NTM: variants seen among roughly 807,000 people sequenced by gnomAD.
NTM encodes the protein IgLON family member 2.
A neutral mutation model predicts 42.1 loss-of-function variants in NTM; 13 were observed. The observed-to-expected ratio is 0.31, with a 90% CI of 0.20 to 0.49. NTM has a LOEUF of 0.49. NTM is among the 20% of genes least tolerant of loss of function. The pLI is 0.99. For synonymous variants in NTM, 187 were observed against 179.2 expected (o/e 1.04, Z -0.35); for missense variants, 373 against 452.8 (o/e 0.82, Z 1.60).
At position 132,116,047 on chromosome 11, in the gene NTM, T is replaced by A. The variant is rs183034313; in HGVS notation, c.168-30235T>A. The stretch of plus-strand genomic sequence containing the variant: ...GCCTTCTCTGCGTCTCTCTGAGCAT[T>A]TCTCCTTTCTCCCAGTTCCCTGGAT... On this transcript the variant is annotated intron_variant, in intron 2 of 8. Coordinates refer to ENST00000683400, the MANE Select transcript of NTM (RefSeq NM_001352005.2). Among the ~76,000 whole-genome samples, 397 of 152,336 alleles carry A rather than the reference T, an allele frequency of 2.6e-3. 1 individual carries two copies. The highest frequency in any genetic ancestry group is 4.7e-3 in the Non-Finnish European group (322 of 68,026).
In NTM at chr11:131,620,956, A is replaced by C. The variant is rs147404817; in HGVS notation, c.82+250068A>C. 7.4e-3 allele frequency among the ~76,000 whole-genome samples: 1,125 copies of C among 152,322 alleles called. 15 individuals carry two copies. The highest frequency in any genetic ancestry group is 0.026 in the African/African-American group (1,072 of 41,578). On this transcript the variant is annotated intron_variant, in intron 1 of 8. Transcript: ENST00000683400. ...TAAATGAATGAATGAATGAATCATA[A>C]CGATAAATTACGCTAACCGGTGCAG... is the stretch of plus-strand genomic sequence containing the variant.
chr11:131,470,535 G>T (rs1952338159), intron 1 of NTM, among the ~76,000 whole-genome samples: 1 of 152,208 alleles, frequency 6.6e-6, no homozygotes, highest in South Asian at 2.1e-4. Flanking sequence ...AAGGCAGATG[G>T]TTCTCTGGGA....
In NTM at chr11:132,335,255, G is replaced by T; in HGVS notation, c.*109G>T. 8.4e-7 allele frequency: 1 copy of T among 1,186,050 alleles called. No homozygotes were observed. The highest frequency in any genetic ancestry group is 1.2e-6 in the Non-Finnish European group (1 of 858,456). 73.5% of individuals were successfully genotyped at this position (1,186,050 alleles called of 1,614,324 possible). A position where few individuals can be genotyped will look rare whatever the true frequency, so the allele number is the denominator to read the frequency against. On this transcript the variant is annotated 3_prime_UTR_variant, in exon 9 of 9. Coordinates refer to ENST00000683400, the MANE Select transcript of NTM (RefSeq NM_001352005.2). ...AATCAGATATATACAAATGAAATTAGAAGAAACACAGCCTCATGGGACAGA... is the reference window on the plus strand; with the variant it reads ...AATCAGATATATACAAATGAAATTATAAGAAACACAGCCTCATGGGACAGA...
intron 2 of NTM, among the ~76,000 whole-genome samples, chr11:132,057,974 C>T (rs931921940): frequency 2.6e-5 from 4 of 152,148 alleles, no homozygotes; most frequent in African/African-American, 9.7e-5. Context: ...GTGCTTGTCT[C>T]ATAACTCCTA....
chr11:131,902,148 T>C (rs1166101645), intron 1 of NTM, among the ~76,000 whole-genome samples: 1 of 152,250 alleles, frequency 6.6e-6, no homozygotes, highest in Middle Eastern at 3.2e-3. Flanking sequence ...TTTTATTATT[T>C]CTTTGTAAGA....
chr11:131,442,944 C>T (rs950324525), intron 1 of NTM, among the ~76,000 whole-genome samples: 3 of 152,070 alleles, frequency 2.0e-5, no homozygotes, highest in Admixed American at 6.5e-5. Flanking sequence ...TAAACACACA[C>T]GTGCAGGTAT....
chr11:131,663,542 C>T (rs1002058591), intron 1 of NTM: 1 of 152,368 alleles, frequency 6.6e-6, no homozygotes, highest in Admixed American at 6.5e-5. Flanking sequence ...TTCTGCTTCT[C>T]AGCTCTGGTT....
At chr11:131,546,573 C>G (rs1169350879) in intron 1 of NTM, 1 of 152,206 alleles carries the variant, frequency 6.6e-6, no homozygotes, top group African/African-American at 2.4e-5. Context: ...ACTGGTGCAC[C>G]AAGCTGTCCT....
intron 1 of NTM, among the ~76,000 whole-genome samples, chr11:131,432,843 T>C (rs1170640020): frequency 1.2e-4 from 1 of 8,074 alleles, no homozygotes; most frequent in African/African-American, 3.9e-4. Context: ...AGCATTCTTT[T>C]TTTTTTTTTT....
intron 1 of NTM, among the ~76,000 whole-genome samples, chr11:131,512,894 A>G (rs1430929669): frequency 6.6e-6 from 1 of 151,924 alleles, no homozygotes; most frequent in Non-Finnish European, 1.5e-5. Flanking sequence ...GCTTCTGCAA[A>G]GTTTTTCCTC....
chr11:132,255,825 T>C (rs1591562520), intron 4 of NTM, among the ~76,000 whole-genome samples: 1 of 152,116 alleles, frequency 6.6e-6, no homozygotes, highest in South Asian at 2.1e-4. Flanking sequence ...CCCCCTTCCC[T>C]GCTCCACTGC....
At chr11:131,800,199 G>A (rs1438311590) in intron 1 of NTM, among the ~76,000 whole-genome samples, 2 of 152,246 alleles carry the variant, frequency 1.3e-5, no homozygotes, top group Admixed American at 1.3e-4. Flanking sequence ...ATGACTTTTG[G>A]AATCCGAGAA....
intron 2 of NTM, among the ~76,000 whole-genome samples, chr11:132,038,138 C>T (rs906649251): frequency 6.6e-6 from 1 of 152,236 alleles, no homozygotes; most frequent in African/African-American, 2.4e-5. Context: ...CTCTTGGTCC[C>T]ACCTAGCTCC....
At chr11:131,610,316 C>G (rs1300475528) in intron 1 of NTM, among the ~76,000 whole-genome samples, 1 of 152,244 alleles carries the variant, frequency 6.6e-6, no homozygotes, top group Non-Finnish European at 1.5e-5. Context: ...GGAAACCCAG[C>G]TCTTTCCACC....
intron 2 of NTM, among the ~76,000 whole-genome samples, chr11:131,958,897 C>G (rs2061834719): frequency 6.6e-6 from 1 of 152,206 alleles, no homozygotes; most frequent in Non-Finnish European, 1.5e-5. Context: ...TAAGAAATCA[C>G]TGTGGCCTAT....
chr11:132,210,886 C>A (rs1370900395), intron 3 of NTM, among the ~76,000 whole-genome samples: 1 of 152,160 alleles, frequency 6.6e-6, no homozygotes, highest in Admixed American at 6.5e-5. Flanking sequence ...CATCCTGTCT[C>A]CAACTTTACC....
intron 1 of NTM, among the ~76,000 whole-genome samples, chr11:131,706,884 T>C (rs1047253139): frequency 6.6e-5 from 10 of 152,026 alleles, no homozygotes; most frequent in Admixed American, 2.0e-4. Flanking sequence ...ATTATATACA[T>C]TTATGAGGTA....
At chr11:131,985,443 G>A (rs2065909646) in intron 2 of NTM, among the ~76,000 whole-genome samples, 2 of 152,140 alleles carry the variant, frequency 1.3e-5, no homozygotes, top group Non-Finnish European at 2.9e-5. Context: ...AAACCTGCAA[G>A]TCTCTGTGGA....
chr11:131,535,698 A>T (rs1022683191), intron 1 of NTM: 2 of 152,204 alleles, frequency 1.3e-5, no homozygotes, highest in African/African-American at 4.8e-5. Context: ...CCCTTGGAAC[A>T]GTTATCACAG....
Sources: gnomAD v4.1 joint callset for allele counts (sites outside exome capture counted in the v4.1 genomes callset) on GRCh38, gnomAD v4.1.1 for gene constraint, MANE v1.5 for transcripts, NCBI Gene and HGNC (gene_info 2026-07-23, HGNC 2026-07-21) for gene names.